Variants in BBS2 observed in about 807,000 individuals in gnomAD.
BBS2 encodes the protein Bardet-Biedl syndrome 2.
A neutral mutation model predicts 83.0 loss-of-function variants in BBS2; 62 were observed. That is an observed-to-expected ratio of 0.75 (90% confidence interval 0.61 to 0.92). BBS2 has a LOEUF of 0.92. Among genes scored for constraint, BBS2 ranks in the 40% least tolerant of loss-of-function variants. BBS2 has a pLI of 0.00. For missense variants in BBS2, 784 were observed against 901.0 expected (o/e 0.87, Z 1.66); for synonymous variants, 303 against 326.1 (o/e 0.93, Z 0.76).
At chr16:56,482,246 A>T (rs1963674487), downstream of BBS2, among the ~76,000 whole-genome samples, 1 of 152,244 alleles carries the variant, frequency 6.6e-6, no homozygotes, top group Non-Finnish European at 1.5e-5. Flanking sequence ...ACTCAACAGT[A>T]GGACTCAAGT....
At chr16:56,516,127 C>T (rs566202003) in intron 1 of BBS2, 1 of 152,276 alleles carries the variant, frequency 6.6e-6, no homozygotes. Context: ...AGACTTTCCC[C>T]CAGTTCCCTC....
At chr16:56,474,824 T>G in intron 17 of BBS2, 1 of 1,592,986 alleles carries the variant, frequency 6.3e-7, no homozygotes, top group Non-Finnish European at 8.5e-7. Context: ...TTTTTTTTCC[T>G]TAGAATCAAG....
At chr16:56,500,755 C>A in intron 11 of BBS2, 99 bp downstream of exon 11, 1 of 1,284,314 alleles carries the variant, frequency 7.8e-7, no homozygotes, top group Non-Finnish European at 1.1e-6. Flanking sequence ...TAAATGGTTT[C>A]TCAGGCCCCC....
At chr16:56,500,817 G>T in intron 11 of BBS2, 37 bp downstream of exon 11, 1 of 1,608,578 alleles carries the variant, frequency 6.2e-7, no homozygotes, top group Non-Finnish European at 8.5e-7. Context: ...TCCTCTAAGT[G>T]CTGTCCTGAA....
At chr16:56,507,301 C>T (rs1282748778) in intron 5 of BBS2, among the ~76,000 whole-genome samples, 2 of 152,204 alleles carry the variant, frequency 1.3e-5, no homozygotes, top group Non-Finnish European at 2.9e-5. Flanking sequence ...TTACTGCTTC[C>T]TTAGTTCACC....
rs138433630 is a variant in BBS2 at position 56,506,136 on chromosome 16, C to G, written c.701G>C (p.Arg234Pro). The G allele has an allele frequency of 1.2e-6, 2 of 1,613,566 alleles. No homozygotes were observed. Among genetic ancestry groups the G allele is most frequent in the South Asian group, 2.2e-5 (2 of 91,054 alleles). Residue 234 changes from arginine (R) to proline (P), a missense_variant, in exon 6 of 17, where the codon CGA becomes CCA. Transcript: ENST00000245157. ...TATACTAACTTTAATTCTCCAGTAT[C>G]GGGATGTTTTGTCATAAACTCCAAC... Reference protein sequence around the residue: ...GTVGVYDKTSRYWRIKSKNHA... With the variant: ...GTVGVYDKTSPYWRIKSKNHA...
chr16:56,512,316 G>A (rs1964600969), intron 2 of BBS2, among the ~76,000 whole-genome samples: 1 of 152,040 alleles, frequency 6.6e-6, no homozygotes, highest in African/African-American at 2.4e-5. Context: ...AAACCACATA[G>A]CCCAGCAATT....
chr16:56,476,933 C>G (rs9939035), intron 17 of BBS2: 29,169 of 152,186 alleles, frequency 0.19, 3,031 homozygotes, highest in Non-Finnish European at 0.24. Context: ...AGTTAAAGAC[C>G]AGCCTGACAA....
chr16:56,507,871 G>A (rs1392884126), intron 5 of BBS2, among the ~76,000 whole-genome samples: 1 of 152,176 alleles, frequency 6.6e-6, no homozygotes. Context: ...GGGAGGCTGA[G>A]GCAGGAGAAT....
chr16:56,504,434 G>A (rs1292132617), intron 7 of BBS2, among the ~76,000 whole-genome samples: 1 of 152,202 alleles, frequency 6.6e-6, no homozygotes, highest in Non-Finnish European at 1.5e-5. Flanking sequence ...GTTTTACCCT[G>A]AAAGGAAAGG....
At chr16:56,512,989 TA>T (rs1446807789) in intron 2 of BBS2, among the ~76,000 whole-genome samples, 4 of 152,106 alleles carry the variant, frequency 2.6e-5, no homozygotes, top group African/African-American at 9.6e-5. Flanking sequence ...CCTATCTCTC[TA>T]AAAAATAAAC....
intron 1 of BBS2, chr16:56,516,009 T>A (rs1462004662): frequency 1.3e-5 from 2 of 152,218 alleles, no homozygotes; most frequent in African/African-American, 4.8e-5. Flanking sequence ...AAATCCAATA[T>A]GCTGAGAAAG....
chr16:56,470,417 T>A, downstream of BBS2: 1 of 1,374,666 alleles, frequency 7.3e-7, no homozygotes, highest in Non-Finnish European at 1.0e-6. Context: ...AAGCTAACGA[T>A]CAGCTTTTAT....
At chr16:56,471,353 C>A in intron 17 of BBS2, among the ~76,000 whole-genome samples, 1 of 146,398 alleles carries the variant, frequency 6.8e-6, no homozygotes, top group African/African-American at 2.5e-5. Flanking sequence ...CAGAGCGAGA[C>A]TACATCTCAA....
chr16:56,474,850 AGG>A, intron 17 of BBS2: 1 of 1,612,896 alleles, frequency 6.2e-7, no homozygotes, highest in Non-Finnish European at 8.5e-7. Flanking sequence ...CCATGTGCCA[AGG>A]GGAACTGAGG....
intron 12 of BBS2, 101 bp downstream of exon 12, chr16:56,499,677 C>A: frequency 2.0e-6 from 3 of 1,510,062 alleles, no homozygotes; most frequent in Non-Finnish European, 2.7e-6. Context: ...ATATTTACTG[C>A]TACCAATATA....
intron 14 of BBS2, 137 bp from the exon 15 acceptor site, chr16:56,497,216 G>A (rs572724629): frequency 4.5e-5 from 32 of 715,070 alleles, no homozygotes; most frequent in African/African-American, 2.8e-4. Context: ...GCTACTTCCC[G>A]TTATTTCATC....
At chr16:56,486,234 C>A (rs1334302542) in intron 15 of BBS2, among the ~76,000 whole-genome samples, 4 of 152,180 alleles carry the variant, frequency 2.6e-5, no homozygotes, top group African/African-American at 9.7e-5. Context: ...TGTGGGACAA[C>A]TGGAACTTTC....
Position 56,498,473 on chromosome 16 carries a change from G to A in BBS2, c.1623C>T (p.Gly541=), listed in dbSNP as rs143951580. ...GTTTTATTTTTATATGCAGGTGGCC[G>A]CCATTCCGTAAAGATGTGAAACACA... ...FQVCFTSLRN[G]GHLHIKIKLS... Residue 541 remains glycine, a synonymous_variant, in exon 13 of 17, where the codon GGC becomes GGT. Transcript: ENST00000245157. The A allele has an allele frequency of 3.8e-5, 61 of 1,613,786 alleles. No homozygotes were observed. In the African/African-American group the frequency reaches 6.7e-4, roughly 18 times the overall value.
Sources: allele counts gnomAD v4.1 joint callset (sites outside exome capture counted in the v4.1 genomes callset), GRCh38; gene constraint gnomAD v4.1.1; transcripts MANE v1.5; gene names NCBI Gene and HGNC (gene_info 2026-07-23, HGNC 2026-07-21).